The following VPS13B variants were observed in gnomAD, a reference collection of about 807,000 sequenced individuals.
VPS13B encodes intermembrane lipid transfer protein VPS13B.
Under a neutral mutation model 426.4 loss-of-function variants are expected in VPS13B, and 285 were observed. The observed-to-expected ratio is 0.67, with a 90% CI of 0.61 to 0.74. The LOEUF (loss-of-function observed/expected upper bound fraction) is 0.74. VPS13B is among the 30% of genes least tolerant of loss of function. VPS13B has a pLI of 0.00. For missense variants in VPS13B, 4,537 were observed against 4,782.6 expected (o/e 0.95, Z 1.51); for synonymous variants, 1,676 against 1,676.4 (o/e 1.00, Z 0.01).
intron 35 of VPS13B, among the ~76,000 whole-genome samples, chr8:99,667,133 G>A (rs1490716253): frequency 6.6e-6 from 1 of 152,120 alleles, no homozygotes; most frequent in Non-Finnish European, 1.5e-5. Flanking sequence ...AGCTTCCCTG[G>A]GGAGTTTGTT....
At chr8:99,134,924 T>C in intron 9 of VPS13B, 91 bp from the exon 10 acceptor site, 2 of 1,463,036 alleles carry the variant, frequency 1.4e-6, no homozygotes, top group Non-Finnish European at 1.9e-6. Flanking sequence ...ATTCTAAAGA[T>C]GTTTAACTAA....
At chr8:99,723,144 C>T (rs974282913) in intron 39 of VPS13B, among the ~76,000 whole-genome samples, 6 of 152,200 alleles carry the variant, frequency 3.9e-5, no homozygotes, top group African/African-American at 1.4e-4. Context: ...AACATTGTCA[C>T]ATTAGACAAG....
chr8:99,043,523 C>G (rs1354134763), intron 3 of VPS13B, among the ~76,000 whole-genome samples: 1 of 152,082 alleles, frequency 6.6e-6, no homozygotes, highest in Non-Finnish European at 1.5e-5. Flanking sequence ...TGGACTGACT[C>G]TAGACCATTA....
At chr8:99,830,629 C>T (rs1330263697) in intron 51 of VPS13B, among the ~76,000 whole-genome samples, 1 of 151,966 alleles carries the variant, frequency 6.6e-6, no homozygotes, top group Non-Finnish European at 1.5e-5. Flanking sequence ...CGCTGGCATT[C>T]CAGGTGCCAC....
In VPS13B at chr8:99,497,363, G is replaced by T. The variant is rs529553857; in HGVS notation, c.3871-4324G>T. Among the ~76,000 whole-genome samples the T allele has an allele frequency of 3.6e-3, 514 of 140,896 alleles. 4 individuals carry two copies. Among genetic ancestry groups the T allele is most frequent in the South Asian group, 0.014 (63 of 4,426 alleles). 92.4% of individuals were successfully genotyped at this position (140,896 alleles called of 152,430 possible). On this transcript the variant is annotated intron_variant, in intron 25 of 61. Transcript: ENST00000357162. ...AATACATATATACATAAAATAATATGTATATATTTTATATTTAAATATAAA... is the reference window on the plus strand; with the variant it reads ...AATACATATATACATAAAATAATATTTATATATTTTATATTTAAATATAAA...
At chr8:99,521,276 A>C (rs1293146075) in intron 30 of VPS13B, among the ~76,000 whole-genome samples, 1 of 152,222 alleles carries the variant, frequency 6.6e-6, no homozygotes, top group East Asian at 1.9e-4. Context: ...AAATTTTAGC[A>C]GATGTCAAAT....
At chr8:99,312,500 A>G (rs1821044343) in intron 19 of VPS13B, among the ~76,000 whole-genome samples, 1 of 152,016 alleles carries the variant, frequency 6.6e-6, no homozygotes, top group Non-Finnish European at 1.5e-5. Context: ...ATTGGCCCCC[A>G]CTCTCTTCTG....
At chr8:99,825,405 A>G (rs1814622777) in intron 51 of VPS13B, among the ~76,000 whole-genome samples, 2 of 151,930 alleles carry the variant, frequency 1.3e-5, no homozygotes, top group South Asian at 2.1e-4. Flanking sequence ...TCCTTTGCCC[A>G]CTTTCTGATG....
intron 2 of VPS13B, among the ~76,000 whole-genome samples, chr8:99,031,264 T>C (rs1842497286): frequency 6.6e-6 from 1 of 152,222 alleles, no homozygotes; most frequent in African/African-American, 2.4e-5. Context: ...GGCATATATC[T>C]GTTCGTTGAA....
At chr8:99,864,347 G>A (rs1452107655) in intron 58 of VPS13B, among the ~76,000 whole-genome samples, 1 of 152,048 alleles carries the variant, frequency 6.6e-6, no homozygotes, top group Non-Finnish European at 1.5e-5. Context: ...CCAGGAGTTC[G>A]AGATCAGCTT....
rs144377209 is a variant in VPS13B at position 99,736,251 on chromosome 8, C to T, written c.7050+15204C>T. 3.4e-3 allele frequency among the ~76,000 whole-genome samples: 522 copies of T among 152,156 alleles called. 1 individual carries two copies. The highest frequency in any genetic ancestry group is 0.011 in the African/African-American group (471 of 41,518). On this transcript the variant is annotated intron_variant, in intron 39 of 61. Transcript: ENST00000357162. ...AGAGAGTTGAGTGCTAAGATTCTCT[C>T]CTTAGAGGTGGAGAAATTAGAGGTA...
rs781154165 is a variant in VPS13B at position 99,642,408 on chromosome 8, C to T, written c.5818C>T (p.Leu1940Phe). ...CTTTATTGTGTCCCAGCCTTCCTTG[C>T]TTCTGAGTTGTCACCACAGAAAGCA... ...LYFIVSQPSL[L>F]LSCHHRKQRV... The change falls in exon 34 of 62, where the codon CTT becomes TTT. Residue 1940 changes from leucine (L) to phenylalanine (F), a missense_variant. This residue lies in a region of VPS13B where 4,311 missense variants were observed against 4,474.3 expected (regional missense o/e 0.96). Transcript: ENST00000357162. 6 of 1,614,092 alleles carry T rather than the reference C, an allele frequency of 3.7e-6. No individual in the cohort carries two copies. Among genetic ancestry groups the T allele is most frequent in the African/African-American group, 2.7e-5 (2 of 75,042 alleles).
intron 57 of VPS13B, among the ~76,000 whole-genome samples, chr8:99,860,734 T>A (rs535619370): frequency 6.6e-6 from 1 of 152,224 alleles, no homozygotes; most frequent in African/African-American, 2.4e-5. Context: ...GATCTGTCCA[T>A]GAAAGTCGCT....
rs151229289 is a variant in VPS13B, at chr8:99,706,524, G to A, written c.6454+6592G>A. On this transcript the variant is annotated intron_variant, in intron 36 of 61. Coordinates refer to ENST00000357162, the MANE Select transcript of VPS13B (RefSeq NM_152564.5). ...CTGAGCCCTTCTAATGAGAAATCCA[G>A]TGTAGTCATTATAGTCTTCCATGTA... is the stretch of plus-strand genomic sequence containing the variant. Among the ~76,000 whole-genome samples the A allele has an allele frequency of 5.1e-3, 784 of 152,254 alleles. 5 individuals carry two copies. Among genetic ancestry groups the A allele is most frequent in the African/African-American group, 0.017 (727 of 41,568 alleles).
At chr8:99,541,460 G>T (rs1563785916) in intron 30 of VPS13B, among the ~76,000 whole-genome samples, 1 of 152,038 alleles carries the variant, frequency 6.6e-6, no homozygotes, top group Non-Finnish European at 1.5e-5. Context: ...TTTAAGCTCT[G>T]CATGCATTAG....
intron 19 of VPS13B, among the ~76,000 whole-genome samples, chr8:99,297,692 G>C (rs910890291): frequency 6.6e-6 from 1 of 152,112 alleles, no homozygotes; most frequent in Non-Finnish European, 1.5e-5. Flanking sequence ...TTTATGTTTT[G>C]GTGAACATCG....
chr8:99,403,377 C>G (rs754127059), intron 21 of VPS13B, among the ~76,000 whole-genome samples: 1 of 151,882 alleles, frequency 6.6e-6, no homozygotes, highest in Non-Finnish European at 1.5e-5. Flanking sequence ...GGTGAAACCC[C>G]GTCTCTACTA....
intron 39 of VPS13B, among the ~76,000 whole-genome samples, chr8:99,745,183 A>G (rs1455446658): frequency 6.6e-6 from 1 of 152,024 alleles, no homozygotes. Flanking sequence ...TATAAACTCC[A>G]CCTTCCAAAA....
chr8:99,157,170 T>A (rs1345247867), intron 15 of VPS13B, among the ~76,000 whole-genome samples: 1 of 152,132 alleles, frequency 6.6e-6, no homozygotes, highest in East Asian at 1.9e-4. Flanking sequence ...TCATGTCAAT[T>A]TATTGATGCA....
Sources: gnomAD v4.1 joint callset for allele counts (sites outside exome capture counted in the v4.1 genomes callset) on GRCh38, gnomAD v4.1.1 for gene constraint, gnomAD v4.1.1 regional missense constraint, MANE v1.5 for transcripts, NCBI Gene and HGNC (gene_info 2026-07-23, HGNC 2026-07-21) for gene names.